RTN3: variants seen among roughly 807,000 people sequenced by gnomAD.
RTN3 encodes the protein reticulon 3.
Under a neutral mutation model 77.8 loss-of-function variants are expected in RTN3, and 49 were observed. That is an observed-to-expected ratio of 0.63 (90% CI 0.50 to 0.80). The LOEUF (loss-of-function observed/expected upper bound fraction) is 0.80, where lower values mean the gene tolerates loss of function less well. Among genes scored for constraint, RTN3 ranks in the 30% least tolerant of loss-of-function variants. RTN3 has a pLI of 0.00. For synonymous variants in RTN3, 464 were observed against 446.9 expected (o/e 1.04, Z -0.48); for missense variants, 1,236 against 1,211.9 (o/e 1.02, Z -0.29).
chr11:63,743,573 G>A (rs534850140), intron 3 of RTN3, among the ~76,000 whole-genome samples: 2 of 152,198 alleles, frequency 1.3e-5, no homozygotes, highest in South Asian at 2.1e-4. Context: ...GTAGTATTGC[G>A]TTTATTTATT....
chr11:63,734,017 G>A (rs772605939), intron 3 of RTN3, among the ~76,000 whole-genome samples: 1 of 152,004 alleles, frequency 6.6e-6, no homozygotes, highest in Non-Finnish European at 1.5e-5. Flanking sequence ...AAAAAAGTTC[G>A]ATATCCTTTT....
rs138471744 is a variant in RTN3, at chr11:63,692,834, G to A, written c.142+11056G>A. ...TTTGGTTTTCTTTTTTGCATGTCAT[G>A]TGGCAGTTTTAAGTTATTAAAATAA... On this transcript the variant is annotated intron_variant, in intron 1 of 8. Transcript: ENST00000377819. Among the ~76,000 whole-genome samples, 178 of 151,650 alleles carry A rather than the reference G, an allele frequency of 1.2e-3. 1 individual carries two copies. The highest frequency in any genetic ancestry group is 4.1e-3 in the African/African-American group (169 of 41,398).
chr11:63,747,104 A>T, intron 3 of RTN3: 1 of 435,670 alleles, frequency 2.3e-6, no homozygotes, highest in South Asian at 1.6e-5. Context: ...AATATTTCTC[A>T]ATCTGGGTTG....
rs781739131 is a variant in RTN3, at chr11:63,720,153, A to C, written c.1651A>C (p.Thr551Pro). ...TCCCAGTTGTGAGAGAGAAGAAAAAACATCTAAAAACTTTGAAGAATTGGT... is the reference window on the plus strand; with the variant it reads ...TCCCAGTTGTGAGAGAGAAGAAAAACCATCTAAAAACTTTGAAGAATTGGT... ...EIPSCEREEK[T>P]SKNFEELVSD... Residue 551 changes from threonine (T) to proline (P), a missense_variant, in exon 3 of 9, where the codon ACA becomes CCA. By Grantham distance (38) the Thr-to-Pro change is conservative. Transcript: ENST00000377819. 4 of 1,613,786 alleles carry C rather than the reference A, an allele frequency of 2.5e-6. No individual in the cohort carries two copies. In the African/African-American group the frequency reaches 5.3e-5, roughly 22 times the overall value.
rs1434076507 is a variant in RTN3 at position 63,719,011 on chromosome 11, C to G, written c.509C>G (p.Ser170Ter). 1.2e-6 allele frequency: 2 copies of G among 1,614,102 alleles called. No homozygotes were observed. The highest frequency in any genetic ancestry group is 1.7e-6 in the Non-Finnish European group (2 of 1,180,024). ...TTCCCAGAGCATCCTGCTTTTCTCT[C>G]AAAGAAAATTGGTCAAGTGGAAGAG... ...ASFPEHPAFLSKKIGQVEEQI... is the reference protein window; with the variant it reads ...ASFPEHPAFL The change falls in exon 3 of 9, where the codon TCA (serine) becomes TGA (stop). Residue 170 changes from serine to a stop codon, truncating the protein, a stop_gained. Transcript: ENST00000377819. LOFTEE classifies it high-confidence loss of function.
chr11:63,752,391 G>T, intron 4 of RTN3, 116 bp from the exon 5 acceptor site: 1 of 907,854 alleles, frequency 1.1e-6, no homozygotes, highest in Non-Finnish European at 1.7e-6. Context: ...ACAAAAAAAT[G>T]CTCCTACAGG....
chr11:63,696,687 A>G (rs1396923031), intron 1 of RTN3, among the ~76,000 whole-genome samples: 2 of 149,788 alleles, frequency 1.3e-5, no homozygotes, highest in Non-Finnish European at 3.0e-5. Flanking sequence ...CTGGGATTAC[A>G]GGTGCCTGCC....
intron 3 of RTN3, among the ~76,000 whole-genome samples, chr11:63,724,961 TTTG>T: frequency 6.6e-6 from 1 of 151,972 alleles, no homozygotes; most frequent in East Asian, 1.9e-4. Context: ...TTGTTAAAGT[TTTG>T]TTTTTTTTTT....
intron 3 of RTN3, among the ~76,000 whole-genome samples, chr11:63,722,764 C>T (rs953204971): frequency 4.6e-5 from 7 of 152,086 alleles, no homozygotes; most frequent in Non-Finnish European, 8.8e-5. Flanking sequence ...ACTTACATAA[C>T]CTTTCGGGGG....
intron 2 of RTN3, among the ~76,000 whole-genome samples, chr11:63,716,991 A>AAG (rs1555072826): frequency 3.3e-5 from 5 of 150,470 alleles, no homozygotes; most frequent in South Asian, 2.1e-4. Flanking sequence ...AAAAAAAAAA[A>AAG]AAAAGAAAAG....
intron 3 of RTN3, among the ~76,000 whole-genome samples, chr11:63,738,342 T>A (rs2135000074): frequency 6.6e-6 from 1 of 152,214 alleles, no homozygotes; most frequent in East Asian, 1.9e-4. Flanking sequence ...ATTTATTTGT[T>A]CTTAAAAAAT....
intron 3 of RTN3, among the ~76,000 whole-genome samples, chr11:63,733,256 G>A (rs759198341): frequency 5.9e-5 from 9 of 152,028 alleles, no homozygotes; most frequent in Non-Finnish European, 1.3e-4. Flanking sequence ...AGGGAGGACC[G>A]AGGCAGGCAC....
chr11:63,714,103 T>C (rs956625844), intron 2 of RTN3: 1 of 485,752 alleles, frequency 2.1e-6, no homozygotes, highest in African/African-American at 1.9e-5. Flanking sequence ...CATGCCTTTA[T>C]AAACTTTTTA....
At chr11:63,745,458 A>C (rs913873414) in intron 3 of RTN3, among the ~76,000 whole-genome samples, 1 of 152,244 alleles carries the variant, frequency 6.6e-6, no homozygotes, top group Non-Finnish European at 1.5e-5. Flanking sequence ...CAGGCTGGTC[A>C]GTGTCTGAGG....
At chr11:63,704,620 TAA>T (rs796256585) in intron 1 of RTN3, among the ~76,000 whole-genome samples, 2 of 140,074 alleles carry the variant, frequency 1.4e-5, no homozygotes, top group Non-Finnish European at 1.6e-5. Context: ...AATGTTTGAC[TAA>T]AAAAAAAAAA....
chr11:63,720,051 A>T lies in RTN3; in HGVS notation c.1549A>T (p.Asn517Tyr). The part of the protein sequence containing the change: ...DITADTSFEN[N>Y]KIQAEKPVSI... ...CACAGCAGATACATCATTTGAAAATAACAAAATTCAGGCTGAAAAACCTGT... is the reference window on the plus strand; with the variant it reads ...CACAGCAGATACATCATTTGAAAATTACAAAATTCAGGCTGAAAAACCTGT... Residue 517 changes from asparagine (N) to tyrosine (Y), a missense_variant, in exon 3 of 9, where the codon AAC (asparagine) becomes TAC (tyrosine). By Grantham distance (143) the Asn-to-Tyr change is moderately radical. This residue lies in a region of RTN3 where 1,056 missense variants were observed against 990.4 expected (regional missense o/e 1.07). Transcript: ENST00000377819. 2 of 1,614,176 alleles carry T rather than the reference A, an allele frequency of 1.2e-6. No individual in the cohort carries two copies. The highest frequency in any genetic ancestry group is 1.7e-6 in the Non-Finnish European group (2 of 1,180,032).
intron 3 of RTN3, among the ~76,000 whole-genome samples, chr11:63,747,933 T>C (rs187221701): frequency 1.3e-5 from 2 of 152,284 alleles, no homozygotes; most frequent in African/African-American, 4.8e-5. Context: ...TCCAAAGCCC[T>C]TGCTCTTTTT....
chr11:63,686,449 G>A (rs1319761112), intron 1 of RTN3, among the ~76,000 whole-genome samples: 3 of 147,454 alleles, frequency 2.0e-5, no homozygotes, highest in African/African-American at 7.7e-5. Context: ...CCGGCCTGGG[G>A]GACAGAGCGA....
chr11:63,749,996 G>T lies in RTN3; in HGVS notation c.2536G>T (p.Asp846Tyr), dbSNP rs368041098. The T allele has an allele frequency of 1.2e-6, 2 of 1,612,682 alleles. No individual in the cohort carries two copies. The highest frequency in any genetic ancestry group is 2.7e-5 in the African/African-American group (2 of 74,888). Residue 846 changes from aspartate (D) to tyrosine (Y), a missense_variant, in exon 4 of 9, where the codon GAT becomes TAT. Asp to Tyr is a radical substitution (Grantham distance 160). Coordinates refer to ENST00000377819, the MANE Select transcript of RTN3 (RefSeq NM_001265589.2). The part of the protein sequence containing the change: ...ARLLTDFSVH[D>Y]LIFWRDVKKT... ...ATTCCCTTTTCTTTTGTCAGTGCAC[G>T]ATCTGATTTTCTGGAGAGATGTGAA...
Sources: gnomAD v4.1 joint callset for allele counts (sites outside exome capture counted in the v4.1 genomes callset) on GRCh38, gnomAD v4.1.1 for gene constraint, gnomAD v4.1.1 regional missense constraint, MANE v1.5 for transcripts, NCBI Gene and HGNC (gene_info 2026-07-23, HGNC 2026-07-21) for gene names.